DNAJC12: variants seen among roughly 807,000 people sequenced by gnomAD.
The protein encoded by DNAJC12 is dnaJ homolog subfamily C member 12.
In DNAJC12, 25 loss-of-function variants were observed where a neutral mutation model predicts 28.5. The ratio of observed to expected loss-of-function variants is 0.88; its 90% CI spans 0.64 to 1.22. The LOEUF (loss-of-function observed/expected upper bound fraction) is 1.22, where lower values mean the gene tolerates loss of function less well. DNAJC12 is among the 50% of genes most tolerant of loss of function. The pLI, the probability that DNAJC12 is intolerant of heterozygous loss-of-function variation, is 0.00. For missense variants in DNAJC12, 222 were observed against 231.7 expected (o/e 0.96, Z 0.27); for synonymous variants, 77 against 80.6 (o/e 0.95, Z 0.24).
At chr10:67,811,303 G>A (rs982833067) in intron 3 of DNAJC12, 13 of 1,373,188 alleles carry the variant, frequency 9.5e-6, no homozygotes, top group African/African-American at 3.0e-5. Flanking sequence ...CAAAGAGATT[G>A]AAAGAAATGT....
chr10:67,821,529 TA>T (rs1338479320), intron 2 of DNAJC12, among the ~76,000 whole-genome samples: 2 of 151,966 alleles, frequency 1.3e-5, no homozygotes, highest in Admixed American at 1.3e-4. Flanking sequence ...AAAAAAACAT[TA>T]AGATATAATA....
intron 3 of DNAJC12, among the ~76,000 whole-genome samples, chr10:67,809,536 A>G (rs186116770): frequency 7.9e-5 from 12 of 152,336 alleles, no homozygotes; most frequent in Non-Finnish European, 1.3e-4. Flanking sequence ...AAACAAAAAG[A>G]AATAAATAAG....
chr10:67,806,949 A>G (rs191647283), intron 3 of DNAJC12, among the ~76,000 whole-genome samples: 103 of 152,258 alleles, frequency 6.8e-4, no homozygotes, highest in Admixed American at 2.7e-3. Context: ...AGAAGATTAT[A>G]TATATGTACA....
rs895095441 is a variant in DNAJC12, at chr10:67,811,527, C to G, written c.294G>C (p.Lys98Asn). ...QQWEALNDSV[K>N]TSMHWVVRGK... The stretch of plus-strand genomic sequence containing the variant: ...TCGCACCCAGCGAGAAACCCACCGT[C>G]TTCACTGAGTCATTCAAAGCTTCCC... Residue 98 changes from lysine (K) to asparagine (N), a missense_variant, in exon 3 of 5, where the codon AAG becomes AAC. Physicochemically the swap from Lys to Asn is moderately conservative, Grantham distance 94 (BLOSUM62 0). Transcript: ENST00000225171. The G allele has an allele frequency of 6.2e-6, 10 of 1,614,188 alleles. No homozygotes were observed. In the African/African-American group the frequency reaches 1.3e-4, roughly 22 times the overall value.
intron 2 of DNAJC12, among the ~76,000 whole-genome samples, chr10:67,820,748 A>G (rs1841973212): frequency 6.6e-6 from 1 of 151,584 alleles, no homozygotes; most frequent in African/African-American, 2.4e-5. Flanking sequence ...ACCTTAAGAC[A>G]AGGGACAAGG....
intron 4 of DNAJC12, among the ~76,000 whole-genome samples, chr10:67,800,172 T>G (rs180757306): frequency 1.5e-5 from 2 of 132,098 alleles, no homozygotes; most frequent in Non-Finnish European, 3.1e-5. Context: ...CAGTGAGTCG[T>G]GATCACACCA....
rs762504826 is a variant in DNAJC12 at position 67,811,645 on chromosome 10, A to G, written c.176T>C (p.Leu59Pro). Residue 59 changes from leucine (L) to proline (P), a missense_variant, in exon 3 of 5, where the codon CTG becomes CCG. Leu to Pro is a moderately conservative substitution (Grantham distance 98). Coordinates refer to ENST00000225171, the MANE Select transcript of DNAJC12 (RefSeq NM_021800.3). ...NPKAVETFQK[L>P]QKAKEILTNE... ...GGTCAGAATCTCCTTTGCCTTCTGC[A>G]GTTTCTGAAAAGTCTCCACTGGAAA... 8.1e-6 allele frequency: 13 copies of G among 1,613,104 alleles called. No individual in the cohort carries two copies. Among genetic ancestry groups the G allele is most frequent in the South Asian group, 1.1e-5 (1 of 90,940 alleles).
chr10:67,826,615 TATATTATATATATCATTATATATAA>T (rs1169023352), intron 1 of DNAJC12, among the ~76,000 whole-genome samples: 1 of 133,790 alleles, frequency 7.5e-6, no homozygotes, highest in African/African-American at 2.8e-5. Context: ...TCTAATGATA[TATATTATATATATCATTATATATAA>T]GATATCTAAT....
At chr10:67,824,756 CAG>C in intron 1 of DNAJC12, among the ~76,000 whole-genome samples, 1 of 151,952 alleles carries the variant, frequency 6.6e-6, no homozygotes, top group South Asian at 2.1e-4. Context: ...ATTTTTGAGA[CAG>C]AGTCTCACTC....
chr10:67,815,305 T>G (rs1200752723), intron 2 of DNAJC12, among the ~76,000 whole-genome samples: 1 of 152,018 alleles, frequency 6.6e-6, no homozygotes, highest in African/African-American at 2.4e-5. Flanking sequence ...GGTCAGGAGT[T>G]CAAGACCAGC....
Position 67,838,141 on chromosome 10 carries a change from T to C in DNAJC12, c.-130A>G. 6 of 603,398 alleles carry C rather than the reference T, an allele frequency of 9.9e-6. No homozygotes were observed. The highest frequency in any genetic ancestry group is 2.2e-5 in the South Asian group (1 of 46,500). 37.4% of individuals were successfully genotyped at this position (603,398 alleles called of 1,614,324 possible). A position where few individuals can be genotyped will look rare whatever the true frequency, so the allele number is the denominator to read the frequency against. On this transcript the variant is annotated 5_prime_UTR_variant, in exon 1 of 5. Coordinates refer to ENST00000225171, the MANE Select transcript of DNAJC12 (RefSeq NM_021800.3). ...ACATAGCAAAAACTAGCTTTAAGACTGGCCACAGTCAATACACCAGATGTC... is the reference window on the plus strand; with the variant it reads ...ACATAGCAAAAACTAGCTTTAAGACCGGCCACAGTCAATACACCAGATGTC...
chr10:67,803,369 T>C (rs1455593632), intron 4 of DNAJC12, among the ~76,000 whole-genome samples: 2 of 152,158 alleles, frequency 1.3e-5, no homozygotes, highest in Non-Finnish European at 2.9e-5. Flanking sequence ...AGTGCACATA[T>C]ACACACCTGT....
rs1188312479 is a variant in DNAJC12, at chr10:67,798,558, C to G, written c.503-1348G>C. ...TTAGGCGGGCGTGGTGGTATGTGCC[C>G]GTGGTCCCAGCTACTCAGGAGACTA... On this transcript the variant is annotated intron_variant, in intron 4 of 4. Transcript: ENST00000225171. 4.0e-5 allele frequency among the ~76,000 whole-genome samples: 6 copies of G among 151,722 alleles called. No homozygotes were observed. In the East Asian group the frequency reaches 7.8e-4, roughly 20 times the overall value.
intron 3 of DNAJC12, among the ~76,000 whole-genome samples, chr10:67,809,305 T>C (rs1841835735): frequency 6.6e-6 from 1 of 152,104 alleles, no homozygotes; most frequent in African/African-American, 2.4e-5. Context: ...TAAAACCATT[T>C]AGCATGACAA....
At chr10:67,822,999 A>G (rs1483605701) in intron 2 of DNAJC12, among the ~76,000 whole-genome samples, 1 of 152,124 alleles carries the variant, frequency 6.6e-6, no homozygotes, top group African/African-American at 2.4e-5. Context: ...TCAAAAAAAA[A>G]AAAGACAACC....
rs1455910954 is a variant in DNAJC12 at position 67,837,939 on chromosome 10, A to G, written c.73T>C (p.Ser25Pro). 6.3e-7 allele frequency: 1 copy of G among 1,595,606 alleles called. No individual in the cohort carries two copies. The change falls in exon 1 of 5, where the codon TCT becomes CCT. Residue 25 changes from serine (S) to proline (P), a missense_variant. Transcript: ENST00000225171. ...YYTLLGCDEL[S>P]SVEQILAEFK... Reference sequence around the variant, plus strand: ...AATATTATCCACTGTCTTACCGAAGATAGTTCATCACATCCCAGTAATGTG... The same window carrying G: ...AATATTATCCACTGTCTTACCGAAGGTAGTTCATCACATCCCAGTAATGTG...
In DNAJC12 at chr10:67,801,836, C is replaced by CTTTTTTTTTTT. The variant is rs577511924; in HGVS notation, c.502+3736_502+3746dup. ...TGATTCCCATCCCCTCCACTTCATT[C>CTTTTTTTTTTT]TTTTTTTTTTTTTTTTTTTTTTTTT... On this transcript the variant is annotated intron_variant, in intron 4 of 4. Coordinates refer to ENST00000225171, the MANE Select transcript of DNAJC12 (RefSeq NM_021800.3). Among the ~76,000 whole-genome samples, 82 of 26,136 alleles carry CTTTTTTTTTTT rather than the reference C, an allele frequency of 3.1e-3. 24 individuals are homozygous for CTTTTTTTTTTT. Among genetic ancestry groups the CTTTTTTTTTTT allele is most frequent in the African/African-American group, 4.9e-3 (37 of 7,590 alleles). 17.1% of individuals were successfully genotyped at this position (26,136 alleles called of 152,430 possible).
At chr10:67,807,336 C>T (rs948146674) in intron 3 of DNAJC12, among the ~76,000 whole-genome samples, 28 of 152,148 alleles carry the variant, frequency 1.8e-4, no homozygotes, top group African/African-American at 6.3e-4. Flanking sequence ...TGGGAGATTC[C>T]TGGTGCCAAC....
chr10:67,819,694 GA>G (rs1564863239), intron 2 of DNAJC12, among the ~76,000 whole-genome samples: 332 of 18,618 alleles, frequency 0.018, 20 homozygotes, highest in Middle Eastern at 0.059. Context: ...AAGAAAGAAA[GA>G]AAGGAAGGAA....
Sources: allele counts gnomAD v4.1 joint callset (sites outside exome capture counted in the v4.1 genomes callset), GRCh38; gene constraint gnomAD v4.1.1; transcripts MANE v1.5; gene names NCBI Gene and HGNC (gene_info 2026-07-23, HGNC 2026-07-21).